Variants in GPHN observed in about 807,000 individuals in gnomAD.
The protein encoded by GPHN is gephyrin.
Under a neutral mutation model 95.5 loss-of-function variants are expected in GPHN, and 17 were observed. That is an observed-to-expected ratio of 0.18 (90% CI 0.12 to 0.27). GPHN has a LOEUF of 0.27. GPHN is among the 10% of genes least tolerant of loss of function. The pLI is 1.00. For synonymous variants in GPHN, 320 were observed against 322.5 expected, an observed-to-expected ratio of 0.99 and a Z score of 0.08; for missense variants, 660 against 978.1, an observed-to-expected ratio of 0.67 and a Z score of 4.34.
intron 1 of GPHN, among the ~76,000 whole-genome samples, chr14:66,595,704 G>C (rs1280528507): frequency 1.3e-5 from 2 of 152,130 alleles, no homozygotes; most frequent in African/African-American, 4.8e-5. Context: ...GAGACTTCAG[G>C]AACTGCAGAG....
the GPHN span, chr14:67,573,754 A>G: frequency 8.0e-7 from 1 of 1,244,566 alleles, no homozygotes; most frequent in Non-Finnish European, 1.2e-6. This position sits in a 1 kb window ranked among gnomAD's most constrained non-coding sequence, Gnocchi z 4.8. Context: ...GGTGCTCCGG[A>G]AAGGCTCCAC....
At chr14:67,027,009 G>C (rs1014642545) in intron 10 of GPHN, among the ~76,000 whole-genome samples, 1 of 152,106 alleles carries the variant, frequency 6.6e-6, no homozygotes, top group African/African-American at 2.4e-5. Context: ...TTCAAAACCC[G>C]ATTCAATATT....
intron 1 of GPHN, among the ~76,000 whole-genome samples, chr14:66,592,883 A>G (rs1476797114): frequency 1.3e-5 from 2 of 152,232 alleles, no homozygotes; most frequent in African/African-American, 4.8e-5. Flanking sequence ...ACAATAGCAA[A>G]GACTTAGAAC....
chr14:67,193,143 T>TATCTATATATCTCTATATAGAC, the GPHN span, among the ~76,000 whole-genome samples: 1,353 of 143,484 alleles, frequency 9.4e-3, 11 homozygotes, highest in Non-Finnish European at 0.011. Context: ...TATAGACATC[T>TATCTATATATCTCTATATAGAC]ATCTATATAT....
intron 2 of GPHN, among the ~76,000 whole-genome samples, chr14:66,761,472 T>C (rs1047562684): frequency 1.3e-5 from 2 of 152,172 alleles, no homozygotes; most frequent in African/African-American, 4.8e-5. Flanking sequence ...GTACTTCCTG[T>C]TTTCGTTTAT....
intron 1 of GPHN, among the ~76,000 whole-genome samples, chr14:66,612,022 C>T (rs1228838219): frequency 2.6e-5 from 4 of 151,628 alleles, no homozygotes; most frequent in Non-Finnish European, 5.9e-5. Flanking sequence ...TTTTATATTC[C>T]ATCGTTCTTT....
chr14:66,540,667 G>C (rs143236576), intron 1 of GPHN, among the ~76,000 whole-genome samples: 1 of 152,192 alleles, frequency 6.6e-6, no homozygotes, highest in Non-Finnish European at 1.5e-5. Context: ...CATATACTCA[G>C]AAGAACACTA....
intron 1 of GPHN, among the ~76,000 whole-genome samples, chr14:66,584,017 A>C (rs1172093779): frequency 6.6e-6 from 1 of 152,190 alleles, no homozygotes; most frequent in Non-Finnish European, 1.5e-5. Context: ...CCTACCCATG[A>C]GCATGGAATG....
chr14:67,526,262 C>G, the GPHN span, among the ~76,000 whole-genome samples: 3 of 152,364 alleles, frequency 2.0e-5, no homozygotes, highest in East Asian at 5.8e-4. Context: ...AGCTCTGTAT[C>G]CCATCACTTT....
Position 66,680,241 on chromosome 14 carries a change from C to T in GPHN, c.65-866C>T, listed in dbSNP as rs529668755. The stretch of plus-strand genomic sequence containing the variant: ...GAGATTTTACTCTACCTTTCTGGTC[C>T]TGCTCCTTTTACTCATTTCCTCTGG... On this transcript the variant is annotated intron_variant, in intron 1 of 22. Transcript: ENST00000478722. Among the ~76,000 whole-genome samples, 16 of 152,236 alleles carry T rather than the reference C, an allele frequency of 1.1e-4. 1 individual carries two copies. The South Asian group carries it at 3.3e-3, about 32-fold the overall frequency.
intron 17 of GPHN, among the ~76,000 whole-genome samples, chr14:67,125,116 G>A (rs1279696382): frequency 1.3e-5 from 2 of 151,452 alleles, no homozygotes; most frequent in Admixed American, 6.6e-5. Context: ...ATCAAACTGA[G>A]AACAATTTAA....
chr14:66,570,220 A>G (rs538060716), intron 1 of GPHN, among the ~76,000 whole-genome samples: 186 of 151,254 alleles, frequency 1.2e-3, no homozygotes, highest in Admixed American at 2.9e-3. Context: ...TTGATTCCAT[A>G]TCTTGGCTAT....
intron 3 of GPHN, among the ~76,000 whole-genome samples, chr14:66,814,934 G>C (rs1008097820): frequency 2.0e-5 from 3 of 152,158 alleles, no homozygotes; most frequent in African/African-American, 7.2e-5. Context: ...GGCAGGAGTT[G>C]ACAGACAAAA....
chr14:67,631,057 C>G, the GPHN span, among the ~76,000 whole-genome samples: 1 of 152,204 alleles, frequency 6.6e-6, no homozygotes, highest in Non-Finnish European at 1.5e-5. Context: ...TTATCCCTCC[C>G]CTCACCTCGT....
the GPHN span, among the ~76,000 whole-genome samples, chr14:67,349,519 T>G: frequency 6.6e-6 from 1 of 152,194 alleles, no homozygotes; most frequent in Non-Finnish European, 1.5e-5. Flanking sequence ...TGGCTTTGTG[T>G]GACTTCTCAA....
intron 1 of GPHN, among the ~76,000 whole-genome samples, chr14:66,561,137 G>A (rs1006604384): frequency 7.9e-5 from 12 of 152,064 alleles, no homozygotes; most frequent in African/African-American, 2.7e-4. Flanking sequence ...TGCTGGATTC[G>A]GTTTGCCAGT....
At chr14:67,081,375 A>G (rs2076687712) in intron 11 of GPHN, among the ~76,000 whole-genome samples, 1 of 151,630 alleles carries the variant, frequency 6.6e-6, no homozygotes, top group Non-Finnish European at 1.5e-5. Flanking sequence ...TTTTTTTTAT[A>G]TATTTGTTGA....
chr14:67,332,340 G>T, the GPHN span, among the ~76,000 whole-genome samples: 1 of 152,094 alleles, frequency 6.6e-6, no homozygotes, highest in Admixed American at 6.5e-5. Context: ...ATAGGGCAAG[G>T]GCTCTTTACT....
At chr14:66,727,554 G>A (rs369136498) in intron 2 of GPHN, among the ~76,000 whole-genome samples, 22 of 152,212 alleles carry the variant, frequency 1.4e-4, no homozygotes, top group African/African-American at 4.8e-4. Context: ...GTCTCAGATG[G>A]AGATGAAGTA....
Sources: gnomAD v4.1 joint callset for allele counts (sites outside exome capture counted in the v4.1 genomes callset) on GRCh38, gnomAD v4.1.1 for gene constraint, Gnocchi (gnomAD v3.1) non-coding constraint, MANE v1.5 for transcripts, NCBI Gene and HGNC (gene_info 2026-07-23, HGNC 2026-07-21) for gene names.